The following GRIA3 variants were observed in gnomAD, a reference collection of about 807,000 sequenced individuals.
GRIA3 encodes the protein glutamate ionotropic receptor AMPA type subunit 3, also known as glutamate receptor 3.
A neutral mutation model predicts 63.0 loss-of-function variants in GRIA3; 3 were observed. The ratio of observed to expected loss-of-function variants is 0.05; its 90% CI spans 0.02 to 0.12. GRIA3 has a LOEUF of 0.12. Ranked by LOEUF, GRIA3 falls within the 10% of genes least tolerant of loss-of-function variation. The probability of loss-of-function intolerance (pLI) is 1.00; values close to 1 mark genes in which losing one functional copy is unlikely to be tolerated. For missense variants in GRIA3, 347 were observed against 700.9 expected, an observed-to-expected ratio of 0.50 and a Z score of 5.70; for synonymous variants, 274 against 257.9, an observed-to-expected ratio of 1.06 and a Z score of -0.60.
At chrX:123,345,915 G>A (rs1261630522) in intron 4 of GRIA3, among the ~76,000 whole-genome samples, 1 of 111,503 alleles carries the variant, frequency 9.0e-6, no homozygotes, top group Non-Finnish European at 1.9e-5. Flanking sequence ...GAAGGGAAGA[G>A]GCATTGAAAT....
chrX:123,344,805 C>G (rs1244482528), intron 4 of GRIA3, among the ~76,000 whole-genome samples: 1 of 111,623 alleles, frequency 9.0e-6, no homozygotes, highest in Non-Finnish European at 1.9e-5. Context: ...TCAGTGTGTC[C>G]CTTCCTATCC....
At chrX:123,387,846 G>A (rs771967888) in intron 5 of GRIA3, among the ~76,000 whole-genome samples, 46 of 112,011 alleles carry the variant, frequency 4.1e-4, no homozygotes, top group Admixed American at 1.3e-3. Context: ...TTTTGTTGAG[G>A]ACTTTTGCAT....
intron 2 of GRIA3, among the ~76,000 whole-genome samples, chrX:123,199,463 T>A (rs965700123): frequency 9.1e-6 from 1 of 110,188 alleles, no homozygotes; most frequent in African/African-American, 3.3e-5. Context: ...TATTCCTATA[T>A]TTTCATGTGG....
At chrX:123,185,510 G>C (rs751889664) in intron 1 of GRIA3, among the ~76,000 whole-genome samples, 1 of 46,616 alleles carries the variant, frequency 2.1e-5, no homozygotes, top group Non-Finnish European at 3.8e-5. Flanking sequence ...GGGGGCGGAG[G>C]GGGGGGGCGA....
At chrX:123,209,165 T>C (rs1441419795) in intron 2 of GRIA3, among the ~76,000 whole-genome samples, 1 of 111,283 alleles carries the variant, frequency 9.0e-6, no homozygotes, top group African/African-American at 3.3e-5. Flanking sequence ...CAGACTTGGG[T>C]TTATAGCTCA....
At chrX:123,337,670 G>A (rs141105999) in intron 4 of GRIA3, among the ~76,000 whole-genome samples, 1 of 111,805 alleles carries the variant, frequency 8.9e-6, no homozygotes, top group African/African-American at 3.2e-5. Context: ...AGGATCTAGA[G>A]ACACTGAAAC....
In GRIA3 at chrX:123,328,576, T is replaced by C. The variant is rs1413966691; in HGVS notation, c.696+2363T>C. On this transcript the variant is annotated intron_variant, in intron 4 of 15. Transcript: ENST00000620443. ...GTTTTCTCTGCCATTTAAGGTGTTC[T>C]TACTAGGCCATAAATTCTATGAGGG... Among the ~76,000 whole-genome samples the C allele has an allele frequency of 2.7e-5, 3 of 112,260 alleles. No homozygotes were observed. In the Admixed American group the frequency reaches 2.8e-4, roughly 11 times the overall value.
At chrX:123,413,562 A>C (rs1036531169) in intron 10 of GRIA3, among the ~76,000 whole-genome samples, 4 of 99,261 alleles carry the variant, frequency 4.0e-5, no homozygotes, top group African/African-American at 1.2e-4. Flanking sequence ...AAAAAAAAAA[A>C]AAAAAAAACA....
chrX:123,192,999 G>A (rs1010706546), intron 2 of GRIA3, among the ~76,000 whole-genome samples: 2 of 110,194 alleles, frequency 1.8e-5, no homozygotes, highest in African/African-American at 6.6e-5. Flanking sequence ...AAAGGAAAAG[G>A]CTCTCGCAGA....
chrX:123,321,157 A>G (rs1448637808), intron 3 of GRIA3, among the ~76,000 whole-genome samples: 1 of 112,063 alleles, frequency 8.9e-6, no homozygotes, highest in Non-Finnish European at 1.9e-5. Flanking sequence ...TTGACAAGGT[A>G]ATTTCTAGCA....
intron 6 of GRIA3, among the ~76,000 whole-genome samples, chrX:123,395,405 C>T (rs1244275311): frequency 8.9e-6 from 1 of 111,998 alleles, no homozygotes; most frequent in Non-Finnish European, 1.9e-5. Flanking sequence ...TAACAATTTA[C>T]AGTATTACAA....
chrX:123,313,947 G>A (rs1056195906), intron 3 of GRIA3, among the ~76,000 whole-genome samples: 1 of 111,119 alleles, frequency 9.0e-6, no homozygotes, highest in Non-Finnish European at 1.9e-5. Flanking sequence ...GGAATAAATG[G>A]GACCTGGGAA....
chrX:123,227,706 C>T (rs1270343263), intron 2 of GRIA3, among the ~76,000 whole-genome samples: 1 of 112,137 alleles, frequency 8.9e-6, no homozygotes. Flanking sequence ...TTTTTCTCTA[C>T]CATGAGGCAA....
At chrX:123,389,418 T>C (rs1289560521) in intron 5 of GRIA3, among the ~76,000 whole-genome samples, 1 of 111,889 alleles carries the variant, frequency 8.9e-6, no homozygotes, top group African/African-American at 3.2e-5. Context: ...TGTTTAGAAT[T>C]GCTATATAGT....
At chrX:123,405,535 A>G (rs1381427321) in intron 10 of GRIA3, among the ~76,000 whole-genome samples, 1 of 111,176 alleles carries the variant, frequency 9.0e-6, no homozygotes, top group Non-Finnish European at 1.9e-5. Flanking sequence ...ATAATCTAGC[A>G]CCCGCCTACC....
At chrX:123,210,024 G>A (rs1317256076) in intron 2 of GRIA3, among the ~76,000 whole-genome samples, 1 of 109,590 alleles carries the variant, frequency 9.1e-6, no homozygotes, top group Non-Finnish European at 1.9e-5. Flanking sequence ...TTTTTCTCTA[G>A]GAGGTGTTGT....
At chrX:123,235,599 A>C (rs1444494777) in intron 2 of GRIA3, among the ~76,000 whole-genome samples, 1 of 111,817 alleles carries the variant, frequency 8.9e-6, no homozygotes. Flanking sequence ...ACACAGAAAT[A>C]TTTGTTTAAT....
chrX:123,240,043 T>C (rs2044321560), intron 2 of GRIA3, among the ~76,000 whole-genome samples: 1 of 111,970 alleles, frequency 8.9e-6, no homozygotes, highest in Non-Finnish European at 1.9e-5. Context: ...GTAGGGGATT[T>C]GTGGGAGCTG....
At chrX:123,451,505 TAAAAAAAAAA>T (rs56991039) in intron 12 of GRIA3, among the ~76,000 whole-genome samples, 6 of 16,192 alleles carry the variant, frequency 3.7e-4, no homozygotes, top group Non-Finnish European at 6.5e-4. Flanking sequence ...ACTCTGTCTC[TAAAAAAAAAA>T]AAAAAAAAAA....
Sources: gnomAD v4.1 joint callset for allele counts (sites outside exome capture counted in the v4.1 genomes callset) on GRCh38, gnomAD v4.1.1 for gene constraint, MANE v1.5 for transcripts, NCBI Gene and HGNC (gene_info 2026-07-23, HGNC 2026-07-21) for gene names.